Variants in PREX2 observed in about 807,000 individuals in gnomAD.
PREX2 encodes phosphatidylinositol-3,4,5-trisphosphate dependent Rac exchange factor 2.
A neutral mutation model predicts 203.2 loss-of-function variants in PREX2; 107 were observed. The ratio of observed to expected loss-of-function variants is 0.53; its 90% CI spans 0.45 to 0.62. The LOEUF is 0.62. Among genes scored for constraint, PREX2 ranks in the 20% least tolerant of loss-of-function variants. PREX2 has a pLI of 0.00. For synonymous variants in PREX2, 672 were observed against 663.6 expected (o/e 1.01, Z -0.19); for missense variants, 1,777 against 1,955.9 (o/e 0.91, Z 1.72).
intron 1 of PREX2, among the ~76,000 whole-genome samples, chr8:68,008,476 G>T (rs568778806): frequency 6.6e-6 from 1 of 152,180 alleles, no homozygotes; most frequent in East Asian, 1.9e-4. Flanking sequence ...AGGGCCATAG[G>T]ATACTGACAT....
At position 68,186,655 on chromosome 8, in the gene PREX2, A is replaced by G. The variant is rs1303799241; in HGVS notation, c.4347-5067A>G. The stretch of plus-strand genomic sequence containing the variant: ...CAGCCTCCTGAGTAGCTGGGATTAC[A>G]GGCACTCGCCACCACGCCTAGCTAA... On this transcript the variant is annotated intron_variant, in intron 35 of 39. Transcript: ENST00000288368. 2.0e-5 allele frequency among the ~76,000 whole-genome samples: 3 copies of G among 152,052 alleles called. No homozygotes were observed. In the East Asian group the frequency reaches 5.8e-4, roughly 29 times the overall value.
intron 19 of PREX2, among the ~76,000 whole-genome samples, chr8:68,089,153 G>C (rs1258359926): frequency 6.8e-6 from 1 of 146,612 alleles, no homozygotes; most frequent in Non-Finnish European, 1.5e-5. Flanking sequence ...CTGCATTCTA[G>C]CTACTGCACT....
At chr8:68,084,723 T>C (rs963560897) in intron 18 of PREX2, among the ~76,000 whole-genome samples, 4 of 152,130 alleles carry the variant, frequency 2.6e-5, no homozygotes, top group African/African-American at 4.8e-5. Flanking sequence ...TCTGTTCCTC[T>C]CCCTTTATTC....
intron 37 of PREX2, among the ~76,000 whole-genome samples, chr8:68,204,516 A>G (rs887814030): frequency 3.9e-5 from 6 of 152,044 alleles, no homozygotes; most frequent in Non-Finnish European, 8.8e-5. Flanking sequence ...GCCCTAAGAT[A>G]GATGGAGTGA....
intron 23 of PREX2, 41 bp from the exon 24 acceptor site, chr8:68,108,068 C>T: frequency 7.3e-7 from 1 of 1,370,652 alleles, no homozygotes; most frequent in Non-Finnish European, 1.0e-6. Context: ...TGAGTTATTA[C>T]TGTGTGTTCA....
intron 23 of PREX2, among the ~76,000 whole-genome samples, chr8:68,101,095 G>T (rs1810252063): frequency 6.6e-6 from 1 of 152,046 alleles, no homozygotes; most frequent in African/African-American, 2.4e-5. Flanking sequence ...AAATGAAGTT[G>T]GTTGCTTAAA....
In PREX2 at chr8:68,090,597, C is replaced by A. The variant is rs775153592; in HGVS notation, c.2132C>A (p.Ala711Asp). 6.2e-7 allele frequency: 1 copy of A among 1,608,018 alleles called. No homozygotes were observed. The highest frequency in any genetic ancestry group is 8.5e-7 in the Non-Finnish European group (1 of 1,175,830). The stretch of plus-strand genomic sequence containing the variant: ...TTTATAGGAACTGTGGCTGCAGCAG[C>A]TGGTCTTCACCCTGGACAGTGCATT... ...AVGRGTVAAA[A>D]GLHPGQCIIK... is the part of the protein sequence containing the mutation. Residue 711 changes from alanine to aspartate, a missense_variant, in exon 20 of 40, where the codon GCT becomes GAT. Coordinates refer to ENST00000288368, the MANE Select transcript of PREX2 (RefSeq NM_024870.4).
intron 1 of PREX2, among the ~76,000 whole-genome samples, chr8:67,994,048 A>G (rs1489514982): frequency 6.6e-6 from 1 of 152,214 alleles, no homozygotes; most frequent in Non-Finnish European, 1.5e-5. Context: ...ATAATATTTT[A>G]AAAAGTAAAT....
chr8:68,193,338 G>C (rs1450610935), intron 37 of PREX2, among the ~76,000 whole-genome samples: 1 of 152,290 alleles, frequency 6.6e-6, no homozygotes. Context: ...CATACTTTAA[G>C]TTCTGGGGTA....
chr8:68,149,090 G>A (rs2129613733), intron 34 of PREX2, among the ~76,000 whole-genome samples: 1 of 152,234 alleles, frequency 6.6e-6, no homozygotes, highest in East Asian at 1.9e-4. Context: ...AGAAATGGAT[G>A]AATTTGAAAT....
intron 35 of PREX2, among the ~76,000 whole-genome samples, chr8:68,172,358 T>C (rs1279811469): frequency 6.6e-6 from 1 of 152,234 alleles, no homozygotes; most frequent in African/African-American, 2.4e-5. Flanking sequence ...GGTACTTGCA[T>C]GTATTCAACA....
chr8:68,092,496 C>A (rs746470572), intron 20 of PREX2, among the ~76,000 whole-genome samples: 5 of 151,984 alleles, frequency 3.3e-5, no homozygotes, highest in Non-Finnish European at 7.4e-5. Context: ...AGTAATGCAA[C>A]CCTTGAAGCA....
At chr8:68,063,130 T>C (rs924523208) in intron 11 of PREX2, among the ~76,000 whole-genome samples, 1 of 152,176 alleles carries the variant, frequency 6.6e-6, no homozygotes, top group African/African-American at 2.4e-5. Context: ...AAAAATAACA[T>C]TATGACTATT....
chr8:68,145,878 G>A (rs537401936), intron 33 of PREX2, among the ~76,000 whole-genome samples: 1 of 152,190 alleles, frequency 6.6e-6, no homozygotes, highest in Non-Finnish European at 1.5e-5. Context: ...AAATGTGAAT[G>A]AAGCAGCTGC....
chr8:68,056,072 T>G (rs933860052), intron 10 of PREX2, 98 bp downstream of exon 10: 1 of 1,281,902 alleles, frequency 7.8e-7, no homozygotes, highest in African/African-American at 1.5e-5. Flanking sequence ...AATATTCCCT[T>G]AGGCACTTTT....
intron 34 of PREX2, among the ~76,000 whole-genome samples, chr8:68,149,602 G>A (rs1323137001): frequency 1.3e-5 from 2 of 151,808 alleles, no homozygotes; most frequent in Non-Finnish European, 2.9e-5. Flanking sequence ...AGTACAAAGA[G>A]GATAAATATT....
At chr8:67,967,304 T>G (rs886616526) in intron 1 of PREX2, among the ~76,000 whole-genome samples, 2 of 152,218 alleles carry the variant, frequency 1.3e-5, no homozygotes, top group Admixed American at 6.5e-5. Context: ...ACTTAAGGCT[T>G]TAACTAGTGT....
chr8:68,104,103 C>T (rs1041496703), intron 23 of PREX2, among the ~76,000 whole-genome samples: 2 of 152,180 alleles, frequency 1.3e-5, no homozygotes, highest in Admixed American at 6.5e-5. Context: ...CCTAAAACCT[C>T]GAATACACTC....
chr8:68,022,075 C>G lies in PREX2; in HGVS notation c.376C>G (p.His126Asp), dbSNP rs1252838563. The G allele has an allele frequency of 2.6e-6, 4 of 1,567,048 alleles. No homozygotes were observed. The South Asian group carries it at 4.4e-5, about 17-fold the overall frequency. Residue 126 changes from histidine to aspartate, a missense_variant, in exon 4 of 40, where the codon CAT (histidine) becomes GAT (aspartate). Coordinates refer to ENST00000288368, the MANE Select transcript of PREX2 (RefSeq NM_024870.4). ...FRIYDEYCSNHEKAQKLLLEL... is the reference protein window; with the variant it reads ...FRIYDEYCSNDEKAQKLLLEL... ...TATCTATGATGAATATTGTAGTAAC[C>G]ATGAGAAGGCACAAAAATTACTTCT...
Sources: gnomAD v4.1 joint callset for allele counts (sites outside exome capture counted in the v4.1 genomes callset) on GRCh38, gnomAD v4.1.1 for gene constraint, MANE v1.5 for transcripts, NCBI Gene and HGNC (gene_info 2026-07-23, HGNC 2026-07-21) for gene names.